FCHSD2: variants seen among roughly 807,000 people sequenced by gnomAD.
FCHSD2 encodes the protein F-BAR and double SH3 domains protein 2.
A neutral mutation model predicts 108.1 loss-of-function variants in FCHSD2; 38 were observed. The observed-to-expected ratio is 0.35, with a 90% confidence interval of 0.27 to 0.46. The LOEUF (loss-of-function observed/expected upper bound fraction) is 0.46. Among genes scored for constraint, FCHSD2 ranks in the 20% least tolerant of loss-of-function variants. FCHSD2 has a pLI of 1.00. For missense variants in FCHSD2, 751 were observed against 897.8 expected, an observed-to-expected ratio of 0.84 and a Z score of 2.09; for synonymous variants, 279 against 314.7, an observed-to-expected ratio of 0.89 and a Z score of 1.20.
intron 2 of FCHSD2, among the ~76,000 whole-genome samples, chr11:73,095,871 C>G (rs1348138771): frequency 2.0e-5 from 3 of 151,448 alleles, no homozygotes; most frequent in Non-Finnish European, 2.9e-5. Flanking sequence ...ACACTATGAA[C>G]AGCCCTGCAG....
At chr11:72,923,264 T>G (rs1856009583) in intron 8 of FCHSD2, among the ~76,000 whole-genome samples, 1 of 152,206 alleles carries the variant, frequency 6.6e-6, no homozygotes, top group South Asian at 2.1e-4. Context: ...TATGAACATT[T>G]GTGTACAAGG....
At chr11:73,017,974 T>C (rs1289057123) in intron 3 of FCHSD2, among the ~76,000 whole-genome samples, 1 of 152,224 alleles carries the variant, frequency 6.6e-6, no homozygotes, top group Non-Finnish European at 1.5e-5. Flanking sequence ...TATATTGAGA[T>C]ACAGTTCTTG....
intron 8 of FCHSD2, among the ~76,000 whole-genome samples, chr11:72,963,513 T>C (rs980495170): frequency 1.3e-5 from 2 of 152,194 alleles, no homozygotes; most frequent in African/African-American, 2.4e-5. Flanking sequence ...TCTTTAGCCA[T>C]TATGCTGTGT....
chr11:73,132,601 T>C (rs1009419860), intron 2 of FCHSD2, among the ~76,000 whole-genome samples: 5 of 152,038 alleles, frequency 3.3e-5, no homozygotes, highest in African/African-American at 9.7e-5. Flanking sequence ...GTCAGGTGGA[T>C]TGCTTGAGCC....
At chr11:73,002,045 A>C (rs1326387314) in intron 4 of FCHSD2, among the ~76,000 whole-genome samples, 1 of 152,162 alleles carries the variant, frequency 6.6e-6, no homozygotes, top group Non-Finnish European at 1.5e-5. Context: ...ATTCTGATAG[A>C]TTATAATATT....
At chr11:72,876,266 G>A (rs962698385) in intron 12 of FCHSD2, among the ~76,000 whole-genome samples, 10 of 152,184 alleles carry the variant, frequency 6.6e-5, no homozygotes, top group African/African-American at 2.2e-4. Context: ...CGAGGTTGAG[G>A]CTGCAGTGAG....
chr11:72,920,659 A>C (rs1010146808), intron 9 of FCHSD2, among the ~76,000 whole-genome samples: 2 of 152,228 alleles, frequency 1.3e-5, no homozygotes, highest in African/African-American at 2.4e-5. Context: ...ATTTTTTCAT[A>C]GACTTTTCCC....
chr11:72,869,155 C>T (rs964046389), intron 12 of FCHSD2, among the ~76,000 whole-genome samples: 1 of 152,140 alleles, frequency 6.6e-6, no homozygotes, highest in Admixed American at 6.5e-5. Context: ...GATCCACCTG[C>T]TTCAGCCTCC....
At chr11:73,082,335 C>CCAAAAAAA (rs1466695525) in intron 3 of FCHSD2, among the ~76,000 whole-genome samples, 10 of 34,460 alleles carry the variant, frequency 2.9e-4, no homozygotes, top group African/African-American at 1.1e-3. Context: ...AGACTTGTCC[C>CCAAAAAAA]AAAAAAAAAA....
chr11:73,090,095 T>C (rs555185906), intron 2 of FCHSD2, among the ~76,000 whole-genome samples: 61 of 152,130 alleles, frequency 4.0e-4, no homozygotes, highest in African/African-American at 1.4e-3. Flanking sequence ...TATCAGTAAA[T>C]TGTGTTGGGA....
intron 4 of FCHSD2, among the ~76,000 whole-genome samples, chr11:73,008,687 G>A (rs1040506986): frequency 1.5e-4 from 23 of 152,190 alleles, no homozygotes; most frequent in South Asian, 2.1e-4. Flanking sequence ...TTATCCCATC[G>A]GCAAGGAAAA....
At chr11:72,856,671 A>G (rs1289824440) in intron 13 of FCHSD2, among the ~76,000 whole-genome samples, 1 of 152,202 alleles carries the variant, frequency 6.6e-6, no homozygotes, top group Non-Finnish European at 1.5e-5. Context: ...ATCCTGTGCT[A>G]TCTCTTACAA....
intron 14 of FCHSD2, among the ~76,000 whole-genome samples, chr11:72,848,936 G>GA (rs1048864320): frequency 1.3e-5 from 2 of 151,874 alleles, no homozygotes; most frequent in African/African-American, 4.8e-5. Flanking sequence ...ATTTACATTG[G>GA]AAAAAAATGC....
At chr11:73,000,829 T>A (rs1857611856) in intron 5 of FCHSD2, among the ~76,000 whole-genome samples, 161 bp downstream of exon 5, 1 of 152,202 alleles carries the variant, frequency 6.6e-6, no homozygotes, top group African/African-American at 2.4e-5. Context: ...TAAAACATAG[T>A]ACTTAATGAG....
intron 3 of FCHSD2, among the ~76,000 whole-genome samples, chr11:73,025,594 A>G (rs1324225809): frequency 2.6e-5 from 4 of 152,132 alleles, no homozygotes; most frequent in Non-Finnish European, 4.4e-5. Flanking sequence ...CCCCGATGAC[A>G]CAAGTTTAAC....
At chr11:72,949,709 A>T (rs1434332885) in intron 8 of FCHSD2, among the ~76,000 whole-genome samples, 1 of 152,214 alleles carries the variant, frequency 6.6e-6, no homozygotes. Context: ...TCATTACTAC[A>T]TTCAATTTTA....
intron 5 of FCHSD2, among the ~76,000 whole-genome samples, chr11:72,994,273 T>A (rs1857479027): frequency 6.6e-6 from 1 of 151,920 alleles, no homozygotes; most frequent in African/African-American, 2.4e-5. Flanking sequence ...GCCAAGGGAG[T>A]CTGAATGCTT....
At chr11:73,030,353 T>A (rs10898895) in intron 3 of FCHSD2, among the ~76,000 whole-genome samples, 56,793 of 151,812 alleles carry the variant, frequency 0.37, 11,097 homozygotes, top group South Asian at 0.49. Context: ...ATAGAGAGAT[T>A]ATACTAAATA....
chr11:72,991,448 A>T (rs898262814), intron 5 of FCHSD2, among the ~76,000 whole-genome samples: 16 of 152,224 alleles, frequency 1.1e-4, no homozygotes, highest in African/African-American at 3.9e-4. Flanking sequence ...ATGAACATCG[A>T]TGCAAAAATC....
Sources: gnomAD v4.1 joint callset for allele counts (sites outside exome capture counted in the v4.1 genomes callset) on GRCh38, gnomAD v4.1.1 for gene constraint, MANE v1.5 for transcripts, NCBI Gene and HGNC (gene_info 2026-07-23, HGNC 2026-07-21) for gene names.